Variants in PDIA5 observed in about 807,000 individuals in gnomAD.
PDIA5 encodes protein disulfide-isomerase A5.
PDIA5 carries 58 observed loss-of-function variants against 77.6 expected under a neutral mutation model. That is an observed-to-expected ratio of 0.75 (90% CI 0.61 to 0.93). PDIA5 has a LOEUF of 0.93. Ranked by LOEUF, PDIA5 falls within the 40% of genes least tolerant of loss-of-function variation. The pLI is 0.00. For synonymous variants in PDIA5, 250 were observed against 252.1 expected, an observed-to-expected ratio of 0.99 and a Z score of 0.08; for missense variants, 630 against 647.7, an observed-to-expected ratio of 0.97 and a Z score of 0.30.
At chr3:123,105,240 C>T (rs1004614177) in intron 5 of PDIA5, among the ~76,000 whole-genome samples, 5 of 152,212 alleles carry the variant, frequency 3.3e-5, no homozygotes, top group African/African-American at 1.2e-4. Context: ...AATGTTTTCA[C>T]ATGAGTCTGG....
intron 1 of PDIA5, among the ~76,000 whole-genome samples, chr3:123,088,176 G>A (rs941888548): frequency 2.0e-5 from 3 of 152,162 alleles, no homozygotes; most frequent in Middle Eastern, 3.2e-3. Context: ...TGGGCAAGGG[G>A]CTGTTGCCCA....
intron 6 of PDIA5, among the ~76,000 whole-genome samples, chr3:123,110,233 A>G (rs1348005243): frequency 6.6e-6 from 1 of 152,110 alleles, no homozygotes; most frequent in Admixed American, 6.6e-5. Flanking sequence ...CCTTTATTGT[A>G]TGTATCTAAC....
intron 8 of PDIA5, among the ~76,000 whole-genome samples, chr3:123,120,990 AG>A (rs1214005982): frequency 6.6e-6 from 1 of 152,182 alleles, no homozygotes; most frequent in East Asian, 1.9e-4. Flanking sequence ...AACTGGTTTG[AG>A]GGTTGCTTTC....
intron 3 of PDIA5, among the ~76,000 whole-genome samples, chr3:123,102,189 C>T (rs917665320): frequency 1.3e-5 from 2 of 152,186 alleles, no homozygotes; most frequent in Admixed American, 6.5e-5. Context: ...GGATTATAGG[C>T]GTGAGCCCCC....
In PDIA5 at chr3:123,145,433, G is replaced by A. The variant is rs191003993; in HGVS notation, c.911-89G>A. The A allele has an allele frequency of 3.0e-3, 2,616 of 878,632 alleles. 40 individuals are homozygous for A. Among genetic ancestry groups the A allele is most frequent in the Non-Finnish European group, 3.0e-4 (159 of 531,498 alleles). 54.4% of individuals were successfully genotyped at this position (878,632 alleles called of 1,614,324 possible). On this transcript the variant is annotated intron_variant, in intron 11 of 16. Transcript: ENST00000316218. ...TGCTTTTCTCAGGTGTCTGGGAATG[G>A]GACTGAGCTGCCTTACAGAGGCGGC...
chr3:123,160,045 T>G (rs776454121), intron 15 of PDIA5, among the ~76,000 whole-genome samples: 4 of 152,256 alleles, frequency 2.6e-5, no homozygotes, highest in Non-Finnish European at 5.9e-5. Context: ...TTCATTGAGC[T>G]CTATCTAAAA....
At chr3:123,115,052 T>C (rs1934963580) in intron 7 of PDIA5, among the ~76,000 whole-genome samples, 1 of 152,154 alleles carries the variant, frequency 6.6e-6, no homozygotes, top group African/African-American at 2.4e-5. Context: ...TCACGGCCTG[T>C]CTAGGCGTCA....
At position 123,146,274 on chromosome 3, in the gene PDIA5, C is replaced by T. The variant is rs779980366; in HGVS notation, c.1142+15C>T. ...TGGATGCAAAAGTAAGTGTTACGAT[C>T]TCAGTAGCACATCCTAACTGCCAGC... is the stretch of plus-strand genomic sequence containing the variant. On this transcript the variant is annotated intron_variant, in intron 13 of 16. Coordinates refer to ENST00000316218, the MANE Select transcript of PDIA5 (RefSeq NM_006810.4). 5 of 1,608,724 alleles carry T rather than the reference C, an allele frequency of 3.1e-6. No homozygotes were observed. The East Asian group carries it at 1.1e-4, about 36-fold the overall frequency.
chr3:123,124,657 T>G (rs75629422), intron 10 of PDIA5, among the ~76,000 whole-genome samples: 8 of 152,198 alleles, frequency 5.3e-5, no homozygotes, highest in Non-Finnish European at 1.0e-4. Flanking sequence ...TGCCTAAGCC[T>G]GTCAGCTCTT....
chr3:123,092,450 C>T lies in PDIA5; in HGVS notation c.257+8C>T. 1 of 1,609,748 alleles carries T rather than the reference C, an allele frequency of 6.2e-7. No individual in the cohort carries two copies. The highest frequency in any genetic ancestry group is 8.5e-7 in the Non-Finnish European group (1 of 1,176,184). ...CTGCTGGGTGGACTGTGGGTATGTG[C>T]TGGGGCCATGTGCCATGGTGGCTGC... On this transcript the variant is annotated splice_region_variant and intron_variant, in intron 3 of 16. Transcript: ENST00000316218.
At chr3:123,084,061 C>G (rs1250833705) in intron 1 of PDIA5, among the ~76,000 whole-genome samples, 1 of 152,028 alleles carries the variant, frequency 6.6e-6, no homozygotes, top group East Asian at 1.9e-4. Flanking sequence ...GCTCTTTGGA[C>G]CCCATCTCCC....
At position 123,106,855 on chromosome 3, in the gene PDIA5, C is replaced by A; in HGVS notation, c.480+14C>A. The A allele has an allele frequency of 6.4e-7, 1 of 1,568,104 alleles. No homozygotes were observed. The highest frequency in any genetic ancestry group is 1.1e-5 in the South Asian group (1 of 89,680). The stretch of plus-strand genomic sequence containing the variant: ...GACAGTGAAAAGGTAATGTATTCCC[C>A]GTCAGTTCTGATGGATGCTGGAAGC... On this transcript the variant is annotated intron_variant, in intron 6 of 16. Coordinates refer to ENST00000316218, the MANE Select transcript of PDIA5 (RefSeq NM_006810.4).
At chr3:123,093,921 C>G (rs1349592566) in intron 3 of PDIA5, among the ~76,000 whole-genome samples, 1 of 152,242 alleles carries the variant, frequency 6.6e-6, no homozygotes, top group Non-Finnish European at 1.5e-5. Context: ...GCCCCCAGAA[C>G]TGCCTGTGGA....
Position 123,111,051 on chromosome 3 carries a change from T to C in PDIA5, c.541+47T>C, listed in dbSNP as rs376201784. 5.9e-5 allele frequency: 88 copies of C among 1,498,044 alleles called. No homozygotes were observed. The Middle Eastern group carries it at 3.0e-3, about 51-fold the overall frequency. 92.8% of individuals were successfully genotyped at this position (1,498,044 alleles called of 1,614,324 possible). On this transcript the variant is annotated intron_variant, in intron 7 of 16. Coordinates refer to ENST00000316218, the MANE Select transcript of PDIA5 (RefSeq NM_006810.4). ...GGCCAGAGCTAGTTGTTTAGTCTCT[T>C]TGTGGGTGGGAGGCAGGTGGGGGTT...
chr3:123,151,402 T>C (rs1935889551), intron 14 of PDIA5, among the ~76,000 whole-genome samples: 1 of 152,244 alleles, frequency 6.6e-6, no homozygotes, highest in Admixed American at 6.5e-5. Flanking sequence ...TGGGGCAAGT[T>C]AGTGGCAGGC....
chr3:123,153,175 G>A (rs1001257717), intron 14 of PDIA5, among the ~76,000 whole-genome samples: 2 of 152,070 alleles, frequency 1.3e-5, no homozygotes, highest in Non-Finnish European at 2.9e-5. Flanking sequence ...GATGGTAACA[G>A]GAATTTACAC....
chr3:123,088,987 A>ACTGGGAGTGGG (rs565766328), intron 1 of PDIA5, 181 bp from the exon 2 acceptor site: 74 of 531,706 alleles, frequency 1.4e-4, no homozygotes, highest in Non-Finnish European at 2.2e-4. Flanking sequence ...GGGAAGGGAG[A>ACTGGGAGTGGG]CTGGGAGTGG....
chr3:123,161,606 T>A, intron 16 of PDIA5, 151 bp downstream of exon 16: 1 of 840,142 alleles, frequency 1.2e-6, no homozygotes, highest in Non-Finnish European at 1.8e-6. Flanking sequence ...TGGGCCTGGC[T>A]GAGGCTTGAC....
intron 7 of PDIA5, 80 bp from the exon 8 acceptor site, chr3:123,116,151 G>C (rs977961845): frequency 1.7e-5 from 18 of 1,082,818 alleles, no homozygotes; most frequent in Non-Finnish European, 2.6e-5. Context: ...GGTAGAGGAT[G>C]GCCATGGGGA....
Sources: gnomAD v4.1 joint callset for allele counts (sites outside exome capture counted in the v4.1 genomes callset) on GRCh38, gnomAD v4.1.1 for gene constraint, MANE v1.5 for transcripts, NCBI Gene and HGNC (gene_info 2026-07-23, HGNC 2026-07-21) for gene names.